Variants in LNX2 observed in about 807,000 individuals in gnomAD.
The protein encoded by LNX2 is ligand of Numb protein X 2.
Under a neutral mutation model 66.2 loss-of-function variants are expected in LNX2, and 35 were observed. That is an observed-to-expected ratio of 0.53 (90% CI 0.40 to 0.70). The LOEUF (loss-of-function observed/expected upper bound fraction) is 0.70. LNX2 is among the 30% of genes least tolerant of loss of function. LNX2 has a pLI of 0.00. For synonymous variants in LNX2, 337 were observed against 315.6 expected (o/e 1.07, Z -0.72); for missense variants, 791 against 850.8 (o/e 0.93, Z 0.87).
intron 2 of LNX2, 49 bp downstream of exon 2, chr13:27,581,248 C>T: frequency 1.4e-6 from 2 of 1,415,714 alleles, no homozygotes; most frequent in South Asian, 1.7e-5. Context: ...TTCATTTGAA[C>T]CACCTTTTTC....
chr13:27,595,325 T>A (rs889753271), intron 1 of LNX2, among the ~76,000 whole-genome samples: 1 of 152,184 alleles, frequency 6.6e-6, no homozygotes, highest in African/African-American at 2.4e-5. Context: ...CTCACTGCAG[T>A]GGTTTGCAAT....
chr13:27,573,331 T>A (rs1731920183), intron 2 of LNX2, among the ~76,000 whole-genome samples: 1 of 152,090 alleles, frequency 6.6e-6, no homozygotes, highest in Non-Finnish European at 1.5e-5. Flanking sequence ...CTTCTTTTTT[T>A]TCCCCCTATA....
rs1463386105 is a variant in LNX2, at chr13:27,563,682, T to C, written c.856-901A>G. Among the ~76,000 whole-genome samples, 5 of 152,202 alleles carry C rather than the reference T, an allele frequency of 3.3e-5. No homozygotes were observed. The East Asian group carries it at 5.8e-4, about 18-fold the overall frequency. On this transcript the variant is annotated intron_variant, in intron 4 of 9. Transcript: ENST00000316334. ...GAAACCAACATCCTCTGACCATCTG[T>C]TATATGACAGGCTCTGAGTTAGGTG...
At chr13:27,572,356 A>C (rs1021372892) in intron 2 of LNX2, among the ~76,000 whole-genome samples, 1 of 152,190 alleles carries the variant, frequency 6.6e-6, no homozygotes, top group Non-Finnish European at 1.5e-5. Flanking sequence ...AAAATTAAAC[A>C]AAAACAATAG....
intron 1 of LNX2, among the ~76,000 whole-genome samples, chr13:27,583,226 G>T (rs1436796890): frequency 0.025 from 751 of 29,476 alleles, 139 homozygotes; most frequent in African/African-American, 0.055. Flanking sequence ...GTGTGTGTGT[G>T]TGTGTGTGTG....
chr13:27,586,603 A>G (rs1955489341), intron 1 of LNX2, among the ~76,000 whole-genome samples: 1 of 152,246 alleles, frequency 6.6e-6, no homozygotes, highest in Non-Finnish European at 1.5e-5. Flanking sequence ...AGTTTAGGTG[A>G]ACAAAACTAC....
chr13:27,553,205 T>C lies in LNX2; in HGVS notation c.1778+3A>G. The stretch of plus-strand genomic sequence containing the variant: ...CATAAAGCAACAAGAAAGCGCTCAG[T>C]ACCTGGGAAGCCCAAGCCACATGAC... On this transcript the variant is annotated splice_donor_region_variant and intron_variant, in intron 8 of 9. Transcript: ENST00000316334. The C allele has an allele frequency of 1.2e-6, 2 of 1,613,356 alleles. No individual in the cohort carries two copies. Among genetic ancestry groups the C allele is most frequent in the Non-Finnish European group, 8.5e-7 (1 of 1,179,366 alleles).
At chr13:27,548,563 C>G in intron 9 of LNX2, 93 bp from the exon 10 acceptor site, 1 of 1,301,270 alleles carries the variant, frequency 7.7e-7, no homozygotes, top group Non-Finnish European at 1.1e-6. Flanking sequence ...AATGCGGTTT[C>G]ACTTACCACT....
At chr13:27,549,404 CCTT>C (rs141847682) in intron 9 of LNX2, among the ~76,000 whole-genome samples, 16,244 of 152,188 alleles carry the variant, frequency 0.11, 1,025 homozygotes, top group East Asian at 0.28. Context: ...TGCCATGACA[CCTT>C]CTCTTTTCTT....
chr13:27,618,132 C>T (rs996651387), intron 1 of LNX2, among the ~76,000 whole-genome samples: 11 of 152,228 alleles, frequency 7.2e-5, no homozygotes, highest in Non-Finnish European at 1.5e-4. Flanking sequence ...ACATGTCAAT[C>T]AATGCCTGAA....
In LNX2 at chr13:27,594,194, ATC is replaced by A. The variant is rs569457472; in HGVS notation, c.-100-12393_-100-12392del. The stretch of plus-strand genomic sequence containing the variant: ...ATATTTCATTGTTCTTTTAATTTGC[ATC>A]TTTTTTAGTCCAGCTAAATTAAACA... On this transcript the variant is annotated intron_variant, in intron 1 of 9. Transcript: ENST00000316334. Among the ~76,000 whole-genome samples, 479 of 152,246 alleles carry A rather than the reference ATC, an allele frequency of 3.1e-3. 2 individuals carry two copies. Among genetic ancestry groups the A allele is most frequent in the African/African-American group, 0.011 (456 of 41,544 alleles).
In LNX2 at chr13:27,547,604, C is replaced by A. The variant is rs1345016341; in HGVS notation, c.*731G>T. 2.0e-5 allele frequency: 3 copies of A among 152,262 alleles called. No homozygotes were observed. Among genetic ancestry groups the A allele is most frequent in the African/African-American group, 7.2e-5 (3 of 41,450 alleles). The allele number at this position is 152,262 out of a possible 1,614,324, so 9.4% of individuals were successfully genotyped here. A position where few individuals can be genotyped will look rare whatever the true frequency, so the allele number is the denominator to read the frequency against. On this transcript the variant is annotated 3_prime_UTR_variant, in exon 10 of 10. Coordinates refer to ENST00000316334, the MANE Select transcript of LNX2 (RefSeq NM_153371.4). ...GGGTGCGGCAGCTCACACCTGTAATCCCAGCACTTTGGGAGGCTGAGGCGG... is the reference window on the plus strand; with the variant it reads ...GGGTGCGGCAGCTCACACCTGTAATACCAGCACTTTGGGAGGCTGAGGCGG...
chr13:27,591,920 A>T (rs1019589713), intron 1 of LNX2, among the ~76,000 whole-genome samples: 14 of 152,248 alleles, frequency 9.2e-5, no homozygotes. Context: ...GTAACTAGAA[A>T]GCCATGCAGG....
chr13:27,556,564 T>A, intron 6 of LNX2, 151 bp from the exon 7 acceptor site: 1 of 704,426 alleles, frequency 1.4e-6, no homozygotes, highest in Non-Finnish European at 2.3e-6. Context: ...ACACAGTTCT[T>A]AATAAGTCTG....
intron 2 of LNX2, among the ~76,000 whole-genome samples, chr13:27,577,561 T>A (rs1049123495): frequency 3.3e-5 from 5 of 151,838 alleles, no homozygotes; most frequent in East Asian, 3.9e-4. Context: ...AAAAAAAAAA[T>A]AATCCCAAAA....
At chr13:27,588,333 C>T (rs1442077110) in intron 1 of LNX2, among the ~76,000 whole-genome samples, 1 of 152,106 alleles carries the variant, frequency 6.6e-6, no homozygotes, top group African/African-American at 2.4e-5. Flanking sequence ...GAGTTTTACT[C>T]AGCGATAAAA....
At chr13:27,617,765 TG>T (rs2138497729) in intron 1 of LNX2, among the ~76,000 whole-genome samples, 1 of 152,362 alleles carries the variant, frequency 6.6e-6, no homozygotes, top group East Asian at 1.9e-4. Flanking sequence ...AACTGCATCA[TG>T]GATCTCTCAA....
intron 1 of LNX2, among the ~76,000 whole-genome samples, chr13:27,619,453 C>T (rs1210891814): frequency 6.6e-6 from 1 of 152,172 alleles, no homozygotes; most frequent in Non-Finnish European, 1.5e-5. Context: ...GGAAGAAGGC[C>T]AATTTACAAG....
intron 2 of LNX2, among the ~76,000 whole-genome samples, chr13:27,569,832 A>T (rs924645436): frequency 3.3e-5 from 5 of 152,218 alleles, no homozygotes; most frequent in Admixed American, 3.3e-4. Context: ...TTTATGATAG[A>T]CATGGAAAGA....
Sources: gnomAD v4.1 joint callset for allele counts (sites outside exome capture counted in the v4.1 genomes callset) on GRCh38, gnomAD v4.1.1 for gene constraint, MANE v1.5 for transcripts, NCBI Gene and HGNC (gene_info 2026-07-23, HGNC 2026-07-21) for gene names.